The following RTF2 variants were observed in gnomAD, a reference collection of about 807,000 sequenced individuals.
The protein encoded by RTF2 is replication termination factor 2, also known as UPF0549 protein C20orf43.
Under a neutral mutation model 38.0 loss-of-function variants are expected in RTF2, and 18 were observed. The ratio of observed to expected loss-of-function variants is 0.47; its 90% CI spans 0.33 to 0.70. RTF2 has a LOEUF of 0.70. Among genes scored for constraint, RTF2 ranks in the 30% least tolerant of loss-of-function variants. The probability of loss-of-function intolerance (pLI) is 0.02; values close to 1 mark genes in which losing one functional copy is unlikely to be tolerated. For missense variants in RTF2, 311 were observed against 379.6 expected (o/e 0.82, Z 1.50); for synonymous variants, 126 against 137.1 (o/e 0.92, Z 0.57).
intron 5 of RTF2, among the ~76,000 whole-genome samples, chr20:56,491,231 G>T (rs982722068): frequency 2.6e-5 from 4 of 152,180 alleles, no homozygotes; most frequent in Admixed American, 6.5e-5. Context: ...TTCAAAACAG[G>T]CTGTGTCGTT....
At position 56,518,275 on chromosome 20, in the gene RTF2, T is replaced by A; in HGVS notation, c.*10T>A. On this transcript the variant is annotated 3_prime_UTR_variant, in exon 9 of 9. Coordinates refer to ENST00000357348, the MANE Select transcript of RTF2 (RefSeq NM_016407.5). ...GTCCTACTGCTTCTGAAGCCCGCAC[T>A]GCCACCGCTCCTGCCCCAGAAGGTT... The A allele has an allele frequency of 1.2e-6, 2 of 1,607,268 alleles. No homozygotes were observed. The highest frequency in any genetic ancestry group is 1.7e-6 in the Non-Finnish European group (2 of 1,177,504).
At chr20:56,484,749 G>T (rs527274498) in intron 5 of RTF2, among the ~76,000 whole-genome samples, 3 of 152,208 alleles carry the variant, frequency 2.0e-5, no homozygotes, top group Non-Finnish European at 4.4e-5. Flanking sequence ...CTCAGCTCAC[G>T]TGGAGGAAAT....
intron 5 of RTF2, among the ~76,000 whole-genome samples, chr20:56,512,950 C>A (rs1984778638): frequency 6.6e-6 from 1 of 152,166 alleles, no homozygotes; most frequent in Non-Finnish European, 1.5e-5. Context: ...CCAGCATGTT[C>A]CAGAATTCCA....
chr20:56,476,527 T>C (rs1982253171), intron 3 of RTF2, among the ~76,000 whole-genome samples: 1 of 148,030 alleles, frequency 6.8e-6, no homozygotes, highest in Admixed American at 6.8e-5. Flanking sequence ...GAGACGGAGT[T>C]TTGCTCTTGT....
chr20:56,491,867 C>A, intron 5 of RTF2: 2 of 979,318 alleles, frequency 2.0e-6, no homozygotes, highest in Non-Finnish European at 3.1e-6. Flanking sequence ...ATGCTCCGTC[C>A]GGTGTCAGTG....
intron 5 of RTF2, among the ~76,000 whole-genome samples, chr20:56,512,626 C>T (rs918377955): frequency 6.6e-6 from 1 of 152,128 alleles, no homozygotes; most frequent in Non-Finnish European, 1.5e-5. Flanking sequence ...GTTGGGCGCC[C>T]CCAAGGCTGC....
At chr20:56,512,996 C>T (rs761575771) in intron 5 of RTF2, among the ~76,000 whole-genome samples, 4 of 152,136 alleles carry the variant, frequency 2.6e-5, no homozygotes, top group Admixed American at 1.3e-4. Flanking sequence ...GCATAGACCA[C>T]GTTGTTCATA....
chr20:56,497,606 C>G, intron 5 of RTF2: 1 of 1,307,132 alleles, frequency 7.7e-7, no homozygotes, highest in Non-Finnish European at 1.0e-6. Flanking sequence ...GAAGCTGGCT[C>G]ATATCTTGAG....
chr20:56,478,665 A>G (rs1878726733), intron 4 of RTF2, among the ~76,000 whole-genome samples: 1 of 152,148 alleles, frequency 6.6e-6, no homozygotes, highest in Non-Finnish European at 1.5e-5. Flanking sequence ...TGTTGCCTTG[A>G]TGTCGATGGC....
intron 5 of RTF2, chr20:56,496,946 G>T: frequency 1.3e-6 from 2 of 1,550,896 alleles, no homozygotes; most frequent in South Asian, 2.4e-5. Context: ...ATTTGCTTCT[G>T]ATGTAGTGTA....
intron 5 of RTF2, among the ~76,000 whole-genome samples, chr20:56,508,883 C>T (rs1984453662): frequency 6.6e-6 from 1 of 152,198 alleles, no homozygotes; most frequent in Non-Finnish European, 1.5e-5. Context: ...AAAGTGATCA[C>T]AGACCTAAAT....
At chr20:56,477,455 A>G (rs1982313724) in intron 4 of RTF2, among the ~76,000 whole-genome samples, 1 of 152,258 alleles carries the variant, frequency 6.6e-6, no homozygotes. Context: ...CCTGTGGGAC[A>G]GAAAGCAAAG....
intron 5 of RTF2, among the ~76,000 whole-genome samples, chr20:56,512,245 C>G (rs1170535041): frequency 6.6e-6 from 1 of 152,146 alleles, no homozygotes; most frequent in Non-Finnish European, 1.5e-5. Context: ...AATCTCAATT[C>G]AAAATGCAGG....
chr20:56,508,702 G>A (rs1424938776), intron 5 of RTF2, among the ~76,000 whole-genome samples: 4 of 152,214 alleles, frequency 2.6e-5, no homozygotes, highest in Non-Finnish European at 5.9e-5. Flanking sequence ...AAAATAGGGA[G>A]TCCGGAAATA....
chr20:56,515,704 C>T, intron 6 of RTF2: 1 of 142,080 alleles, frequency 7.0e-6, no homozygotes, highest in African/African-American at 2.6e-5. Context: ...GGAAAAAATG[C>T]ATTTCAAAGG....
chr20:56,492,195 G>C (rs1479305833), intron 5 of RTF2, among the ~76,000 whole-genome samples: 1 of 151,752 alleles, frequency 6.6e-6, no homozygotes, highest in Non-Finnish European at 1.5e-5. Flanking sequence ...ATAAGTCATT[G>C]CTTCTATATT....
chr20:56,505,498 T>TAATAATAAC (rs1984208717), intron 5 of RTF2, among the ~76,000 whole-genome samples: 3 of 148,682 alleles, frequency 2.0e-5, no homozygotes, highest in African/African-American at 7.4e-5. Context: ...ATAATAATAA[T>TAATAATAAC]AATAATAATA....
At chr20:56,517,010 CT>C (rs1985084891) in intron 7 of RTF2, 21 bp downstream of exon 7, 1 of 1,612,380 alleles carries the variant, frequency 6.2e-7, no homozygotes, top group African/African-American at 1.3e-5. Flanking sequence ...TCAAGAGATC[CT>C]TATTTTAGCA....
intron 4 of RTF2, among the ~76,000 whole-genome samples, chr20:56,479,705 G>A (rs972106293): frequency 6.6e-6 from 1 of 152,172 alleles, no homozygotes; most frequent in Non-Finnish European, 1.5e-5. Context: ...ATGGGCTGCA[G>A]AATGGTTGTT....
Sources: allele counts gnomAD v4.1 joint callset (sites outside exome capture counted in the v4.1 genomes callset), GRCh38; gene constraint gnomAD v4.1.1; transcripts MANE v1.5; gene names NCBI Gene and HGNC (gene_info 2026-07-23, HGNC 2026-07-21).